PCDHGA6: variants seen among roughly 807,000 people sequenced by gnomAD.
The protein encoded by PCDHGA6 is protocadherin gamma subfamily A, 6, also known as protocadherin gamma-A6.
A neutral mutation model predicts 60.6 loss-of-function variants in PCDHGA6; 41 were observed. The observed-to-expected ratio is 0.68, with a 90% confidence interval of 0.53 to 0.88. The LOEUF is 0.88. Ranked by LOEUF, PCDHGA6 falls within the 40% of genes least tolerant of loss-of-function variation. The probability of loss-of-function intolerance (pLI) is 0.00; values close to 1 mark genes in which losing one functional copy is unlikely to be tolerated. For missense variants in PCDHGA6, 1,312 were observed against 1,203.0 expected (o/e 1.09, Z -1.34); for synonymous variants, 594 against 524.4 (o/e 1.13, Z -1.81).
chr5:141,433,837 C>CAAA lies in PCDHGA6; in HGVS notation c.2424+57346_2424+57348dup, dbSNP rs56191208. The stretch of plus-strand genomic sequence containing the variant: ...GGGCAACAAGAGTGAAACTCTATCT[C>CAAA]AAAAAAAAAAAAAAAAAACTTTATC... On this transcript the variant is annotated intron_variant, in intron 1 of 3. Transcript: ENST00000517434. 4.3e-3 allele frequency among the ~76,000 whole-genome samples: 475 copies of CAAA among 111,672 alleles called. 6 individuals carry two copies. The highest frequency in any genetic ancestry group is 0.013 in the African/African-American group (431 of 32,292). The allele number at this position is 111,672 out of a possible 152,430, so 73.3% of individuals were successfully genotyped here.
In PCDHGA6 at chr5:141,485,539, G is replaced by T; in HGVS notation, c.2425-9268G>T. 6.2e-7 allele frequency: 1 copy of T among 1,614,104 alleles called. No individual in the cohort carries two copies. Among genetic ancestry groups the T allele is most frequent in the Non-Finnish European group, 8.5e-7 (1 of 1,179,998 alleles). On this transcript the variant is annotated intron_variant, in intron 1 of 3. Coordinates refer to ENST00000517434, the MANE Select transcript of PCDHGA6 (RefSeq NM_018919.3). This position sits in a 1 kb window ranked among gnomAD's most constrained non-coding sequence, Gnocchi z 5.7. ...TGGAAATGTACCGAGCAGAGGTAGA[G>T]ATCGTAGATGTGAATGATCACGCCC...
At chr5:141,502,024 C>G (rs2099812413) in intron 2 of PCDHGA6, among the ~76,000 whole-genome samples, 1 of 152,152 alleles carries the variant, frequency 6.6e-6, no homozygotes, top group African/African-American at 2.4e-5. Context: ...TCCCTGCAAC[C>G]CCCGCCGCTT....
chr5:141,458,619 G>T (rs1393941674), intron 1 of PCDHGA6, among the ~76,000 whole-genome samples: 1 of 152,080 alleles, frequency 6.6e-6, no homozygotes, highest in South Asian at 2.1e-4. Context: ...AGCCAGGCTG[G>T]AGTGCAGTGG....
chr5:141,433,234 C>T (rs773942024), intron 1 of PCDHGA6: 3 of 1,512,746 alleles, frequency 2.0e-6, no homozygotes, highest in Middle Eastern at 1.8e-4. Flanking sequence ...TGCTCTGTCT[C>T]CCAAGCTGGA....
chr5:141,378,734 A>C (rs1388674316), intron 1 of PCDHGA6: 1 of 152,216 alleles, frequency 6.6e-6, no homozygotes, highest in Non-Finnish European at 1.5e-5. Flanking sequence ...CTTTATTGAA[A>C]TATTTCAAGA....
chr5:141,434,870 C>G (rs1263324193), intron 1 of PCDHGA6, among the ~76,000 whole-genome samples: 3 of 151,726 alleles, frequency 2.0e-5, no homozygotes, highest in Non-Finnish European at 1.5e-5. Flanking sequence ...ATATATGTGA[C>G]AGATACCAAC....
At chr5:141,404,100 T>G in intron 1 of PCDHGA6, 1 of 1,613,618 alleles carries the variant, frequency 6.2e-7, no homozygotes, top group African/African-American at 1.3e-5. Context: ...GGTCAAGTTG[T>G]CTGTTCTATC....
intron 3 of PCDHGA6, among the ~76,000 whole-genome samples, chr5:141,509,952 C>T (rs954730777): frequency 7.2e-5 from 11 of 152,186 alleles, no homozygotes; most frequent in African/African-American, 2.2e-4. Flanking sequence ...CAAATGCTAC[C>T]GGGTATGGCC....
chr5:141,377,969 A>G (rs1165356824), intron 1 of PCDHGA6: 1 of 152,202 alleles, frequency 6.6e-6, no homozygotes, highest in African/African-American at 2.4e-5. Context: ...ACTTGAATCT[A>G]TGTTCCTGGG....
intron 1 of PCDHGA6, chr5:141,418,857 T>G (rs1378155402): frequency 6.2e-7 from 1 of 1,613,988 alleles, no homozygotes; most frequent in South Asian, 1.1e-5. Context: ...CGGTGTAAAG[T>G]AATTGTAGAA....
intron 2 of PCDHGA6, among the ~76,000 whole-genome samples, chr5:141,502,866 C>CTTTTT (rs549047197): frequency 1.6e-5 from 2 of 128,044 alleles, no homozygotes; most frequent in Non-Finnish European, 1.6e-5. Flanking sequence ...GACTCTCTGT[C>CTTTTT]TTTTTTTTTT....
At chr5:141,466,794 T>C (rs1487051313) in intron 1 of PCDHGA6, among the ~76,000 whole-genome samples, 2 of 152,226 alleles carry the variant, frequency 1.3e-5, no homozygotes, top group Non-Finnish European at 2.9e-5. Context: ...TGCCTCAAAC[T>C]AGATCCTATT....
chr5:141,440,330 G>A (rs1377511406), intron 1 of PCDHGA6: 1 of 152,162 alleles, frequency 6.6e-6, no homozygotes, highest in Non-Finnish European at 1.5e-5. Context: ...ACTGGGCATG[G>A]TGGTGCAGGC....
chr5:141,449,782 T>C (rs2098655261), intron 1 of PCDHGA6, among the ~76,000 whole-genome samples: 1 of 151,720 alleles, frequency 6.6e-6, no homozygotes, highest in South Asian at 2.1e-4. Flanking sequence ...GAAATTATGT[T>C]TCTTTATTCC....
At chr5:141,407,505 T>TTTTTTTTTTTTTTTTTTTTTTGAGACGG (rs1460306566) in intron 1 of PCDHGA6, among the ~76,000 whole-genome samples, 2 of 152,142 alleles carry the variant, frequency 1.3e-5, no homozygotes, top group African/African-American at 2.4e-5. Context: ...CTGTTTTTCT[T>TTTTTTTTTTTTTTTTTTTTTTGAGACGG]AGGCTATGTA....
At chr5:141,426,010 C>T (rs2096909211) in intron 1 of PCDHGA6, among the ~76,000 whole-genome samples, 1 of 152,178 alleles carries the variant, frequency 6.6e-6, no homozygotes, top group Non-Finnish European at 1.5e-5. Flanking sequence ...CTTCCGGCTG[C>T]AGTTTTCTAA....
intron 1 of PCDHGA6, chr5:141,418,301 C>T: frequency 6.2e-7 from 1 of 1,613,980 alleles, no homozygotes; most frequent in South Asian, 1.1e-5. Context: ...ATCCGTCAGC[C>T]TGGGGATGGG....
intron 1 of PCDHGA6, among the ~76,000 whole-genome samples, chr5:141,381,616 A>G (rs187813287): frequency 6.6e-6 from 1 of 152,230 alleles, no homozygotes; most frequent in Non-Finnish European, 1.5e-5. Context: ...ACAGCCCAGT[A>G]GGATCTCTGC....
chr5:141,503,214 T>C (rs994291483), intron 2 of PCDHGA6, among the ~76,000 whole-genome samples: 7 of 152,096 alleles, frequency 4.6e-5, no homozygotes, highest in African/African-American at 1.7e-4. Flanking sequence ...GTGCCCACCA[T>C]GAGCACCGTA....
Sources: allele counts gnomAD v4.1 joint callset (sites outside exome capture counted in the v4.1 genomes callset), GRCh38; gene constraint gnomAD v4.1.1; non-coding constraint Gnocchi (gnomAD v3.1); transcripts MANE v1.5; gene names NCBI Gene and HGNC (gene_info 2026-07-23, HGNC 2026-07-21).